The following LMO7 variants were observed in gnomAD, a reference collection of about 807,000 sequenced individuals.
LMO7 encodes LIM domain only protein 7.
A neutral mutation model predicts 206.5 loss-of-function variants in LMO7; 120 were observed. The ratio of observed to expected loss-of-function variants is 0.58; its 90% CI spans 0.50 to 0.68. LMO7 has a LOEUF of 0.68. LMO7 is among the 30% of genes least tolerant of loss of function. The probability of loss-of-function intolerance (pLI) is 0.00; values close to 1 mark genes in which losing one functional copy is unlikely to be tolerated. For synonymous variants in LMO7, 706 were observed against 681.5 expected (o/e 1.04, Z -0.56); for missense variants, 1,959 against 1,957.9 (o/e 1.00, Z -0.01).
intron 28 of LMO7, among the ~76,000 whole-genome samples, chr13:75,854,171 A>G (rs1406600833): frequency 6.6e-6 from 1 of 152,218 alleles, no homozygotes; most frequent in Non-Finnish European, 1.5e-5. Context: ...TCACCCCAAG[A>G]AAGTGCTGTT....
intron 3 of LMO7, among the ~76,000 whole-genome samples, chr13:75,739,743 C>T (rs2046266252): frequency 6.6e-6 from 1 of 152,176 alleles, no homozygotes; most frequent in African/African-American, 2.4e-5. Context: ...ATAGAAAATT[C>T]ACCTGGGGAA....
At chr13:75,656,720 A>C (rs1594097370) in intron 1 of LMO7, among the ~76,000 whole-genome samples, 2 of 152,238 alleles carry the variant, frequency 1.3e-5, no homozygotes, top group South Asian at 4.1e-4. Flanking sequence ...GCTCTTGGAA[A>C]GGTTACATCA....
intron 1 of LMO7, among the ~76,000 whole-genome samples, chr13:75,697,578 A>G (rs189282910): frequency 1.3e-5 from 2 of 152,228 alleles, no homozygotes; most frequent in Non-Finnish European, 2.9e-5. Context: ...GGGAGCTACA[A>G]TTCACAATGA....
At chr13:75,724,277 G>A (rs1478690509) in intron 2 of LMO7, among the ~76,000 whole-genome samples, 1 of 152,118 alleles carries the variant, frequency 6.6e-6, no homozygotes, top group African/African-American at 2.4e-5. Flanking sequence ...AAAAGAGCAA[G>A]CCTCTGCTGT....
intron 1 of LMO7, among the ~76,000 whole-genome samples, chr13:75,691,669 T>C (rs2041487462): frequency 6.6e-6 from 1 of 152,214 alleles, no homozygotes; most frequent in Non-Finnish European, 1.5e-5. Flanking sequence ...GTTTCCTCTG[T>C]ACCCTACATA....
intron 4 of LMO7, among the ~76,000 whole-genome samples, chr13:75,781,836 GT>G (rs771136938): frequency 7.9e-5 from 12 of 152,150 alleles, no homozygotes; most frequent in Non-Finnish European, 1.3e-4. Context: ...GTGTGAGATG[GT>G]ATCTCATTGT....
intron 29 of LMO7, 70 bp from the exon 30 acceptor site, chr13:75,856,436 C>A (rs769206297): frequency 2.7e-5 from 23 of 867,040 alleles, no homozygotes; most frequent in East Asian, 7.3e-5. Flanking sequence ...ATTTCCCCCC[C>A]ACCCCCAGGA....
chr13:75,636,805 G>T, intron 1 of LMO7, 79 bp downstream of exon 1: 1 of 1,385,102 alleles, frequency 7.2e-7, no homozygotes. Context: ...TGCAGCCCCA[G>T]TCACTCTGCA....
rs71127572 is a variant in LMO7, at chr13:75,681,718, GTATATATATATATATATATA to G, written c.70-31452_70-31433del. On this transcript the variant is annotated intron_variant, in intron 1 of 30. Coordinates refer to ENST00000377534, the MANE Select transcript of LMO7 (RefSeq NM_001306080.2). ...TATGTATGTATGTGTATATATATAT[GTATATATATATATATATATA>G]TATATATATATGGAATCTTATTATT... Among the ~76,000 whole-genome samples the G allele has an allele frequency of 5.9e-4, 62 of 104,564 alleles. 1 individual carries two copies. Among genetic ancestry groups the G allele is most frequent in the Non-Finnish European group, 1.1e-3 (57 of 51,840 alleles). The allele number at this position is 104,564 out of a possible 152,430, so 68.6% of individuals were successfully genotyped here.
chr13:75,710,120 A>G (rs1048595991), intron 1 of LMO7, among the ~76,000 whole-genome samples: 2 of 152,056 alleles, frequency 1.3e-5, no homozygotes, highest in Admixed American at 6.6e-5. Flanking sequence ...GATATGCGGC[A>G]TTATTTCTGA....
At chr13:75,829,719 A>G (rs1462663520) in intron 15 of LMO7, among the ~76,000 whole-genome samples, 1 of 151,116 alleles carries the variant, frequency 6.6e-6, no homozygotes, top group South Asian at 2.1e-4. Context: ...TTTAAATTCT[A>G]TCTATGTTGA....
At chr13:75,726,004 G>A (rs1485260354) in intron 2 of LMO7, among the ~76,000 whole-genome samples, 10 of 132,026 alleles carry the variant, frequency 7.6e-5, no homozygotes, top group African/African-American at 2.9e-4. Context: ...TTTTTTTTTT[G>A]CTGCCCATTG....
At chr13:75,644,630 T>C (rs1358337828) in intron 1 of LMO7, among the ~76,000 whole-genome samples, 1 of 152,204 alleles carries the variant, frequency 6.6e-6, no homozygotes, top group African/African-American at 2.4e-5. Flanking sequence ...CCAACAGATA[T>C]ATTTTTTTCT....
chr13:75,822,827 T>A (rs930790122), intron 14 of LMO7, among the ~76,000 whole-genome samples: 7 of 12,968 alleles, frequency 5.4e-4, no homozygotes, highest in Admixed American at 1.2e-3. Context: ...TATAATAAAA[T>A]ATATATATAT....
chr13:75,767,650 G>C (rs2049074883), intron 4 of LMO7, among the ~76,000 whole-genome samples: 1 of 152,014 alleles, frequency 6.6e-6, no homozygotes, highest in Admixed American at 6.6e-5. Context: ...AGAGAAACTT[G>C]AAGATTTCTT....
intron 1 of LMO7, among the ~76,000 whole-genome samples, chr13:75,703,108 G>T (rs2042391318): frequency 6.6e-6 from 1 of 152,168 alleles, no homozygotes; most frequent in African/African-American, 2.4e-5. Context: ...GTGATGTCAA[G>T]AACTGAGGAA....
intron 28 of LMO7, among the ~76,000 whole-genome samples, chr13:75,854,583 A>G (rs544500805): frequency 6.6e-6 from 1 of 152,230 alleles, no homozygotes; most frequent in South Asian, 2.1e-4. Flanking sequence ...GAGATGTGGA[A>G]GAACGGGTGC....
At chr13:75,796,413 C>G (rs1183416241) in intron 5 of LMO7, among the ~76,000 whole-genome samples, 1 of 152,100 alleles carries the variant, frequency 6.6e-6, no homozygotes, top group Non-Finnish European at 1.5e-5. Flanking sequence ...CTTTTGGAGT[C>G]TGGACTTTTG....
At chr13:75,682,961 C>T (rs1435115146) in intron 1 of LMO7, among the ~76,000 whole-genome samples, 3 of 152,084 alleles carry the variant, frequency 2.0e-5, no homozygotes, top group African/African-American at 7.2e-5. Context: ...TTTGTTTGCC[C>T]ATCTTTTAAA....
Sources: gnomAD v4.1 joint callset for allele counts (sites outside exome capture counted in the v4.1 genomes callset) on GRCh38, gnomAD v4.1.1 for gene constraint, MANE v1.5 for transcripts, NCBI Gene and HGNC (gene_info 2026-07-23, HGNC 2026-07-21) for gene names.